Variants in ALPK2 observed in about 807,000 individuals in gnomAD.
ALPK2 encodes the protein alpha kinase 2, also known as alpha-protein kinase 2.
A neutral mutation model predicts 163.1 loss-of-function variants in ALPK2; 127 were observed. That is an observed-to-expected ratio of 0.78 (90% confidence interval 0.67 to 0.90). ALPK2 has a LOEUF of 0.90. Among genes scored for constraint, ALPK2 ranks in the 40% least tolerant of loss-of-function variants. ALPK2 has a pLI of 0.00. For missense variants in ALPK2, 2,360 were observed against 2,589.6 expected, an observed-to-expected ratio of 0.91 and a Z score of 1.92; for synonymous variants, 953 against 959.1, an observed-to-expected ratio of 0.99 and a Z score of 0.12.
At chr18:58,605,754 G>A (rs976255351) in intron 3 of ALPK2, among the ~76,000 whole-genome samples, 31 of 152,240 alleles carry the variant, frequency 2.0e-4, no homozygotes, top group Non-Finnish European at 1.6e-4. Context: ...GAAAGTCCAG[G>A]TCATGGTCAA....
chr18:58,484,897 T>C (rs919071655), intron 12 of ALPK2, among the ~76,000 whole-genome samples: 4 of 152,264 alleles, frequency 2.6e-5, no homozygotes, highest in Admixed American at 2.0e-4. Context: ...TTACAACTGA[T>C]GCAACTGATG....
chr18:58,550,020 G>A (rs903611454), intron 4 of ALPK2, among the ~76,000 whole-genome samples: 11 of 152,084 alleles, frequency 7.2e-5, no homozygotes, highest in Non-Finnish European at 1.2e-4. Flanking sequence ...CTCTGAGCAG[G>A]GAAGGCTGTG....
chr18:58,537,398 T>C lies in ALPK2; in HGVS notation c.2789A>G (p.Glu930Gly). ...TCCTGAGTTGCTGGGGCTTGGCTGC[T>C]CCTGGCCAGCATGTACTGTGGAGGC... ...PLASTVHAGQ[E>G]QPSPSNSGGL... The change falls in exon 5 of 13, where the codon GAG becomes GGG. Residue 930 changes from glutamate to glycine, a missense_variant. Physicochemically the swap from Glu to Gly is moderately conservative, Grantham distance 98 (BLOSUM62 -2). Transcript: ENST00000361673. 1 of 1,613,862 alleles carries C rather than the reference T, an allele frequency of 6.2e-7. No individual in the cohort carries two copies. Among genetic ancestry groups the C allele is most frequent in the Non-Finnish European group, 8.5e-7 (1 of 1,179,848 alleles).
At chr18:58,529,065 A>G in intron 6 of ALPK2, 26 bp downstream of exon 6, 6 of 1,614,028 alleles carry the variant, frequency 3.7e-6, no homozygotes, top group Non-Finnish European at 5.1e-6. Context: ...ACAACTGTGA[A>G]AAGTAACCAG....
chr18:58,532,316 A>G (rs1277057383), intron 5 of ALPK2, among the ~76,000 whole-genome samples: 3 of 152,198 alleles, frequency 2.0e-5, no homozygotes, highest in Non-Finnish European at 2.9e-5. Context: ...TTTCTCTGCA[A>G]AGAAAATCCC....
chr18:58,484,820 A>C (rs1188388265), intron 12 of ALPK2, among the ~76,000 whole-genome samples: 1 of 152,182 alleles, frequency 6.6e-6, no homozygotes, highest in Non-Finnish European at 1.5e-5. Context: ...CATAGAAACC[A>C]TGTAGCTCAG....
chr18:58,538,076 A>C lies in ALPK2; in HGVS notation c.2111T>G (p.Leu704Ter). ...GGGTTTGACCTCCGAGTGTTGAGCT[A>C]ATGATGCATTTTCCTTGTGGACCCC... ...LGGVHKENAS[L>*]AQHSEVKPCT... The change falls in exon 5 of 13, where the codon TTA becomes TGA. Residue 704 changes from leucine (L) to a stop codon, truncating the protein, a stop_gained. Coordinates refer to ENST00000361673, the MANE Select transcript of ALPK2 (RefSeq NM_052947.4). LOFTEE classifies it high-confidence loss of function. 1 of 1,614,178 alleles carries C rather than the reference A, an allele frequency of 6.2e-7. No individual in the cohort carries two copies. Among genetic ancestry groups the C allele is most frequent in the Middle Eastern group, 1.6e-4 (1 of 6,062 alleles).
chr18:58,553,371 T>C (rs1022744749), intron 4 of ALPK2, among the ~76,000 whole-genome samples: 3 of 152,198 alleles, frequency 2.0e-5, no homozygotes, highest in African/African-American at 4.8e-5. Context: ...GCCTGAAGAA[T>C]GCTTCAGCAA....
At chr18:58,524,461 C>T (rs1050685110) in intron 6 of ALPK2, among the ~76,000 whole-genome samples, 10 of 152,252 alleles carry the variant, frequency 6.6e-5, no homozygotes, top group South Asian at 2.1e-4. Flanking sequence ...CAAGAGAAAA[C>T]GGGGTTCTTA....
chr18:58,567,252 C>A (rs1405359833), intron 4 of ALPK2, among the ~76,000 whole-genome samples: 2 of 150,816 alleles, frequency 1.3e-5, no homozygotes, highest in Middle Eastern at 3.5e-3. Context: ...GGCGTGATGG[C>A]AGGCCCCTGA....
intron 12 of ALPK2, among the ~76,000 whole-genome samples, chr18:58,489,337 A>G (rs997822962): frequency 2.0e-5 from 3 of 152,194 alleles, no homozygotes; most frequent in African/African-American, 7.2e-5. Context: ...CAACAGTCCC[A>G]CAAGAGTCTT....
Position 58,595,518 on chromosome 18 carries a change from C to A in ALPK2, c.227+11804G>T, listed in dbSNP as rs551799171. ...GTGATTAACATAATGGACTCCGGGG[C>A]CCTGGGAAACAGAATTTTGGGGTTC... On this transcript the variant is annotated intron_variant, in intron 3 of 12. Coordinates refer to ENST00000361673, the MANE Select transcript of ALPK2 (RefSeq NM_052947.4). Among the ~76,000 whole-genome samples, 41 of 152,276 alleles carry A rather than the reference C, an allele frequency of 2.7e-4. No homozygotes were observed. The South Asian group carries it at 7.9e-3, about 29-fold the overall frequency.
At chr18:58,504,290 A>G (rs535343191) in intron 10 of ALPK2, 142 bp from the exon 11 acceptor site, 3 of 660,542 alleles carry the variant, frequency 4.5e-6, no homozygotes, top group South Asian at 2.2e-5. Context: ...AATCCATCCA[A>G]TGACTTTTTA....
At chr18:58,505,215 C>A (rs891768653) in intron 10 of ALPK2, among the ~76,000 whole-genome samples, 1 of 152,002 alleles carries the variant, frequency 6.6e-6, no homozygotes, top group Non-Finnish European at 1.5e-5. Context: ...GGAGCTGGAG[C>A]GGTGATCAGA....
chr18:58,618,868 A>C (rs533630658), intron 1 of ALPK2, among the ~76,000 whole-genome samples: 1 of 152,110 alleles, frequency 6.6e-6, no homozygotes, highest in Admixed American at 6.5e-5. Context: ...GCTTGCTGTC[A>C]GCTGAAAGGA....
chr18:58,543,395 AC>A, intron 4 of ALPK2: 1 of 985,442 alleles, frequency 1.0e-6, no homozygotes, highest in Non-Finnish European at 1.2e-6. Context: ...TGTAGACCAC[AC>A]AGGAGCTTGT....
In ALPK2 at chr18:58,536,526, C is replaced by T; in HGVS notation, c.3661G>A (p.Glu1221Lys). Residue 1221 changes from glutamate (E) to lysine (K), a missense_variant, in exon 5 of 13, where the codon GAG becomes AAG. Transcript: ENST00000361673. ...VPSLSDILLE[E>K]SKEYRPGNWE... The stretch of plus-strand genomic sequence containing the variant: ...TTTCCAGGTCTATATTCTTTAGACT[C>T]TTCCAAAAGGATATCAGAGAGAGAT... 1.9e-6 allele frequency: 3 copies of T among 1,613,832 alleles called. No homozygotes were observed. Among genetic ancestry groups the T allele is most frequent in the Non-Finnish European group, 2.5e-6 (3 of 1,180,012 alleles).
At position 58,538,204 on chromosome 18, in the gene ALPK2, G is replaced by T. The variant is rs1264121858; in HGVS notation, c.1983C>A (p.Val661=). The change falls in exon 5 of 13, where the codon GTC becomes GTA. Residue 661 remains valine, a synonymous_variant. Transcript: ENST00000361673. The stretch of plus-strand genomic sequence containing the variant: ...TCTGGCTGCAAGAGATTGTCTCTCT[G>T]ACTGTTTCCTGAACTTGTACCTAGG... ...DPPQVQVQET[V]RETISCSQMP... is the part of the protein sequence containing the mutation. The T allele has an allele frequency of 6.2e-7, 1 of 1,611,120 alleles. No homozygotes were observed. The highest frequency in any genetic ancestry group is 8.5e-7 in the Non-Finnish European group (1 of 1,179,914).
At position 58,594,319 on chromosome 18, in the gene ALPK2, C is replaced by T. The variant is rs896967351; in HGVS notation, c.227+13003G>A. On this transcript the variant is annotated intron_variant, in intron 3 of 12. Transcript: ENST00000361673. ...AAATCCTATGGCATTACTACCACCA[C>T]GCTTAGTTAATAGATGACTGACCCT... is the stretch of plus-strand genomic sequence containing the variant. 3.9e-5 allele frequency among the ~76,000 whole-genome samples: 6 copies of T among 152,162 alleles called. No individual in the cohort carries two copies. In the East Asian group the frequency reaches 5.8e-4, roughly 15 times the overall value.
Sources: gnomAD v4.1 joint callset for allele counts (sites outside exome capture counted in the v4.1 genomes callset) on GRCh38, gnomAD v4.1.1 for gene constraint, MANE v1.5 for transcripts, NCBI Gene and HGNC (gene_info 2026-07-23, HGNC 2026-07-21) for gene names.